MED12L: variants seen among roughly 807,000 people sequenced by gnomAD.
MED12L encodes mediator of RNA polymerase II transcription subunit 12-like protein.
In MED12L, 60 loss-of-function variants were observed where a neutral mutation model predicts 281.3. The observed-to-expected ratio is 0.21, with a 90% confidence interval of 0.17 to 0.26. The LOEUF (loss-of-function observed/expected upper bound fraction) is 0.26, where lower values mean the gene tolerates loss of function less well. Among genes scored for constraint, MED12L ranks in the 10% least tolerant of loss-of-function variants. MED12L has a pLI of 1.00. For missense variants in MED12L, 2,146 were observed against 2,680.9 expected (o/e 0.80, Z 4.41); for synonymous variants, 974 against 987.2 (o/e 0.99, Z 0.25).
chr3:151,413,888 T>TC (rs1241403590), intron 42 of MED12L, among the ~76,000 whole-genome samples: 51 of 143,820 alleles, frequency 3.5e-4, no homozygotes, highest in Non-Finnish European at 6.9e-4. Context: ...TTTTTTTTTT[T>TC]CCCCTTAAGA....
intron 16 of MED12L, among the ~76,000 whole-genome samples, chr3:151,344,748 C>T (rs563719584): frequency 4.6e-5 from 7 of 152,088 alleles, no homozygotes; most frequent in Admixed American, 1.3e-4. Flanking sequence ...AGAAAGGAAG[C>T]GCATTCTGAG....
At chr3:151,403,425 A>G (rs763054220) in intron 39 of MED12L, among the ~76,000 whole-genome samples, 17 of 152,306 alleles carry the variant, frequency 1.1e-4, no homozygotes, top group East Asian at 3.9e-4. Flanking sequence ...TCATAGGCCA[A>G]TGCAAGATAA....
chr3:151,178,670 T>G (rs1343224253), intron 11 of MED12L, among the ~76,000 whole-genome samples: 1 of 152,204 alleles, frequency 6.6e-6, no homozygotes, highest in Non-Finnish European at 1.5e-5. Context: ...CTCTATGCCT[T>G]GCAGTTTCCT....
intron 37 of MED12L, among the ~76,000 whole-genome samples, chr3:151,389,507 C>A (rs541786056): frequency 6.6e-6 from 1 of 152,296 alleles, no homozygotes; most frequent in African/African-American, 2.4e-5. Flanking sequence ...GTGTCTACTT[C>A]TTTAGAACGA....
chr3:151,332,366 A>G (rs537259468), intron 16 of MED12L, among the ~76,000 whole-genome samples: 37 of 152,340 alleles, frequency 2.4e-4, no homozygotes, highest in Non-Finnish European at 4.6e-4. Flanking sequence ...CCATCAAAGT[A>G]TACCATGGTA....
intron 5 of MED12L, among the ~76,000 whole-genome samples, chr3:151,138,538 A>G (rs943569331): frequency 3.3e-5 from 5 of 152,170 alleles, no homozygotes; most frequent in South Asian, 2.1e-4. Flanking sequence ...TCAGGATATT[A>G]TATTACATTT....
intron 17 of MED12L, among the ~76,000 whole-genome samples, chr3:151,351,585 A>G (rs1343214623): frequency 6.6e-6 from 1 of 152,232 alleles, no homozygotes; most frequent in African/African-American, 2.4e-5. Flanking sequence ...TAGAGAAAAG[A>G]GGAAACAGTT....
chr3:151,270,941 C>T (rs1319658502), intron 16 of MED12L, among the ~76,000 whole-genome samples: 1 of 151,516 alleles, frequency 6.6e-6, no homozygotes, highest in African/African-American at 2.4e-5. Flanking sequence ...GGAAAGATGA[C>T]ACTTAGTTTT....
At chr3:151,203,943 A>T (rs1726011107) in intron 16 of MED12L, among the ~76,000 whole-genome samples, 1 of 152,200 alleles carries the variant, frequency 6.6e-6, no homozygotes, top group Non-Finnish European at 1.5e-5. Context: ...GAATTGGAAT[A>T]GTATTTAGTA....
At chr3:151,401,556 A>G (rs1319116495) in intron 39 of MED12L, among the ~76,000 whole-genome samples, 1 of 152,140 alleles carries the variant, frequency 6.6e-6, no homozygotes, top group Non-Finnish European at 1.5e-5. Context: ...CTGTGAGTTT[A>G]ACCATTTTTT....
intron 21 of MED12L, among the ~76,000 whole-genome samples, chr3:151,363,091 G>C (rs1250820744): frequency 1.3e-5 from 2 of 152,018 alleles, no homozygotes; most frequent in Admixed American, 1.3e-4. Context: ...AGTAACATGC[G>C]CTGGGCGTGG....
chr3:151,288,918 G>A (rs1743902186), intron 16 of MED12L, among the ~76,000 whole-genome samples: 3 of 152,214 alleles, frequency 2.0e-5, no homozygotes, highest in Admixed American at 1.3e-4. Context: ...AAAGTCTGTT[G>A]GAGATTGGTC....
At chr3:151,359,136 C>T (rs780565601) in intron 20 of MED12L, among the ~76,000 whole-genome samples, 37 of 152,162 alleles carry the variant, frequency 2.4e-4, no homozygotes, top group Admixed American at 7.9e-4. Flanking sequence ...CTTATGTCCA[C>T]GTGTACCTCA....
chr3:151,121,751 T>G (rs903876664), intron 3 of MED12L, among the ~76,000 whole-genome samples: 1 of 152,102 alleles, frequency 6.6e-6, no homozygotes, highest in Non-Finnish European at 1.5e-5. Flanking sequence ...AGTCTCACTC[T>G]GTCATCCAGG....
At position 151,376,865 on chromosome 3, in the gene MED12L, G is replaced by GA. The variant is rs1483758053; in HGVS notation, c.4121dup (p.Asp1375GlyfsTer33). The GA allele has an allele frequency of 6.2e-7, 1 of 1,613,982 alleles. No individual in the cohort carries two copies. On this transcript the variant is annotated frameshift_variant, in exon 29 of 45. Transcript: ENST00000687756. LOFTEE classifies it high-confidence loss of function. ...TCCAGCTAATGATCAAACAGTGCTTGAAGGACCCTGTGAGTTTATATTGAA... is the reference window on the plus strand; with the variant it reads ...TCCAGCTAATGATCAAACAGTGCTTGAAAGGACCCTGTGAGTTTATATTGAA...
At chr3:151,316,708 G>T (rs1748299572) in intron 16 of MED12L, 1 of 152,148 alleles carries the variant, frequency 6.6e-6, no homozygotes, top group Admixed American at 6.5e-5. Context: ...GGATTTTCTG[G>T]TAAAGCATGA....
At chr3:151,407,669 G>T (rs1293732307) in intron 39 of MED12L, among the ~76,000 whole-genome samples, 1 of 152,208 alleles carries the variant, frequency 6.6e-6, no homozygotes, top group East Asian at 1.9e-4. Flanking sequence ...TCTAACCCAA[G>T]CAAATGGAGA....
At chr3:151,406,523 A>C (rs377035765) in intron 39 of MED12L, among the ~76,000 whole-genome samples, 82 of 152,298 alleles carry the variant, frequency 5.4e-4, no homozygotes, top group African/African-American at 1.9e-3. Flanking sequence ...CTCAGGGAGA[A>C]TATTGCATAT....
intron 3 of MED12L, 61 bp from the exon 4 acceptor site, chr3:151,122,722 T>A (rs1410255727): frequency 8.7e-6 from 10 of 1,144,346 alleles, no homozygotes; most frequent in African/African-American, 1.6e-5. Context: ...AATACTAATG[T>A]ACAGTACTAA....
Sources: allele counts gnomAD v4.1 joint callset (sites outside exome capture counted in the v4.1 genomes callset), GRCh38; gene constraint gnomAD v4.1.1; transcripts MANE v1.5; gene names NCBI Gene and HGNC (gene_info 2026-07-23, HGNC 2026-07-21).